The following C8orf34 variants were observed in gnomAD, a reference collection of about 807,000 sequenced individuals.
C8orf34 encodes the protein chromosome 8 open reading frame 34, also known as uncharacterized protein C8orf34.
Under a neutral mutation model 68.3 loss-of-function variants are expected in C8orf34, and 65 were observed. The ratio of observed to expected loss-of-function variants is 0.95; its 90% CI spans 0.78 to 1.17. C8orf34 has a LOEUF of 1.17. C8orf34 is among the 50% of genes most tolerant of loss of function. C8orf34 has a pLI of 0.00. For synonymous variants in C8orf34, 244 were observed against 241.2 expected, an observed-to-expected ratio of 1.01 and a Z score of -0.11; for missense variants, 664 against 655.4, an observed-to-expected ratio of 1.01 and a Z score of -0.14.
intron 7 of C8orf34, among the ~76,000 whole-genome samples, chr8:68,575,969 T>G (rs1401866491): frequency 6.6e-6 from 1 of 150,810 alleles, no homozygotes; most frequent in East Asian, 2.0e-4. Context: ...TTTTTTTTTT[T>G]TTTTTTTTGC....
chr8:68,504,254 G>A (rs963412114), intron 5 of C8orf34, among the ~76,000 whole-genome samples: 3 of 152,088 alleles, frequency 2.0e-5, no homozygotes, highest in African/African-American at 7.2e-5. Context: ...ATGTTGTTGT[G>A]TCTCAGTACT....
chr8:68,614,628 G>C (rs1381548017), intron 7 of C8orf34, among the ~76,000 whole-genome samples: 3 of 152,232 alleles, frequency 2.0e-5, no homozygotes, highest in African/African-American at 7.2e-5. Flanking sequence ...TGAGGGCTCT[G>C]TTGTGTTCCA....
In C8orf34 at chr8:68,533,415, T is replaced by G. The variant is rs1379818007; in HGVS notation, c.1105+266T>G. The G allele has an allele frequency of 4.4e-6, 5 of 1,138,976 alleles. No homozygotes were observed. The African/African-American group carries it at 8.1e-5, about 18-fold the overall frequency. 70.6% of individuals were successfully genotyped at this position (1,138,976 alleles called of 1,614,324 possible). A position where few individuals can be genotyped will look rare whatever the true frequency, so the allele number is the denominator to read the frequency against. On this transcript the variant is annotated intron_variant, in intron 7 of 13. Coordinates refer to ENST00000518698, the MANE Select transcript of C8orf34 (RefSeq NM_052958.4). Reference sequence around the variant, plus strand: ...TTCTGACTACGTAATGAAGCGTTATTCTGTGTGCAACTGTGATCAAAATTC... The same window carrying G: ...TTCTGACTACGTAATGAAGCGTTATGCTGTGTGCAACTGTGATCAAAATTC...
In C8orf34 at chr8:68,600,155, TG is replaced by T. The variant is rs1199362495; in HGVS notation, c.1106-40220del. ...CTGTTTTTGTGGACTTCTCAGCGGTTGCTCTAGGTATTACAATATACATATG... is the reference window on the plus strand; with the variant it reads ...CTGTTTTTGTGGACTTCTCAGCGGTTCTCTAGGTATTACAATATACATATG... On this transcript the variant is annotated intron_variant, in intron 7 of 13. Coordinates refer to ENST00000518698, the MANE Select transcript of C8orf34 (RefSeq NM_052958.4). Among the ~76,000 whole-genome samples the T allele has an allele frequency of 2.6e-5, 4 of 152,126 alleles. No individual in the cohort carries two copies. The East Asian group carries it at 5.8e-4, about 22-fold the overall frequency.
At chr8:68,340,669 C>T (rs1014245860) in intron 1 of C8orf34, among the ~76,000 whole-genome samples, 1 of 152,090 alleles carries the variant, frequency 6.6e-6, no homozygotes, top group Non-Finnish European at 1.5e-5. Context: ...TTTGAAAACT[C>T]CCCAAGAAAA....
At chr8:68,594,432 AAAATATGTAT>A (rs1218290733) in intron 7 of C8orf34, among the ~76,000 whole-genome samples, 10 of 152,026 alleles carry the variant, frequency 6.6e-5, no homozygotes, top group Non-Finnish European at 2.9e-5. Flanking sequence ...TTTTATCTAA[AAAATATGTAT>A]TTTTACTCCA....
chr8:68,799,680 A>T (rs1824274180), intron 12 of C8orf34, among the ~76,000 whole-genome samples: 1 of 152,192 alleles, frequency 6.6e-6, no homozygotes, highest in Non-Finnish European at 1.5e-5. Context: ...AGAAGCTACC[A>T]TATGTTGGGC....
At position 68,534,031 on chromosome 8, in the gene C8orf34, A is replaced by T. The variant is rs140506642; in HGVS notation, c.1105+882A>T. ...CATATAGAATATGGAATCTCAGAAAAATATAGGCCATTTTCTGAAGTTTTT... is the reference window on the plus strand; with the variant it reads ...CATATAGAATATGGAATCTCAGAAATATATAGGCCATTTTCTGAAGTTTTT... On this transcript the variant is annotated intron_variant, in intron 7 of 13. Transcript: ENST00000518698. The T allele has an allele frequency of 1.5e-3, 1,484 of 980,698 alleles. 23 individuals are homozygous for T. The African/African-American group carries it at 0.024, about 16-fold the overall frequency. 60.7% of individuals were successfully genotyped at this position (980,698 alleles called of 1,614,324 possible).
At chr8:68,456,003 T>C (rs1044873157) in intron 3 of C8orf34, among the ~76,000 whole-genome samples, 5 of 150,794 alleles carry the variant, frequency 3.3e-5, no homozygotes, top group Non-Finnish European at 7.4e-5. Context: ...TCCAGCACTT[T>C]GGGAGGTGGA....
At chr8:68,768,585 C>G (rs772487704) in intron 10 of C8orf34, among the ~76,000 whole-genome samples, 1 of 152,146 alleles carries the variant, frequency 6.6e-6, no homozygotes, top group Non-Finnish European at 1.5e-5. Flanking sequence ...ATTAGAATAT[C>G]TCATAATAAC....
chr8:68,515,634 A>G (rs1814478906), intron 5 of C8orf34, among the ~76,000 whole-genome samples: 1 of 152,228 alleles, frequency 6.6e-6, no homozygotes, highest in Non-Finnish European at 1.5e-5. Context: ...TGAGTAAAAT[A>G]AAAGCAATTT....
intron 7 of C8orf34, among the ~76,000 whole-genome samples, chr8:68,553,405 A>AAAAAAAAAAAAAAAC (rs1554577324): frequency 7.1e-6 from 1 of 141,096 alleles, no homozygotes; most frequent in African/African-American, 2.8e-5. Flanking sequence ...AAAAAAAAAA[A>AAAAAAAAAAAAAAAC]AAAAACATAT....
intron 4 of C8orf34, 26 bp downstream of exon 4, chr8:68,468,846 T>C: frequency 1.2e-6 from 2 of 1,601,174 alleles, no homozygotes; most frequent in South Asian, 1.1e-5. Context: ...TGATTATAAT[T>C]GAAACTCCTA....
chr8:68,795,468 T>C (rs1234072431), intron 12 of C8orf34, among the ~76,000 whole-genome samples: 1 of 152,028 alleles, frequency 6.6e-6, no homozygotes, highest in Non-Finnish European at 1.5e-5. Flanking sequence ...TCTCCTAGGG[T>C]TTGTTATTGC....
intron 10 of C8orf34, among the ~76,000 whole-genome samples, chr8:68,774,748 T>TA (rs200038765): frequency 6.7e-6 from 1 of 149,708 alleles, no homozygotes; most frequent in Admixed American, 6.6e-5. Flanking sequence ...CAATTTTTTT[T>TA]AAAAAAAACT....
intron 8 of C8orf34, among the ~76,000 whole-genome samples, chr8:68,678,605 A>G (rs2130867800): frequency 6.6e-6 from 1 of 152,260 alleles, no homozygotes; most frequent in Middle Eastern, 3.4e-3. Flanking sequence ...ACTAAACAAA[A>G]GCCATATTTG....
chr8:68,768,787 C>T (rs1047865326), intron 10 of C8orf34, among the ~76,000 whole-genome samples: 9 of 152,070 alleles, frequency 5.9e-5, no homozygotes, highest in African/African-American at 1.4e-4. Flanking sequence ...TCAGCTGCCA[C>T]GTGGTCTTTG....
At chr8:68,779,970 A>G (rs1823628750) in intron 11 of C8orf34, among the ~76,000 whole-genome samples, 1 of 152,194 alleles carries the variant, frequency 6.6e-6, no homozygotes, top group South Asian at 2.1e-4. Context: ...ACACATGTGA[A>G]AGATTTATTT....
intron 7 of C8orf34, among the ~76,000 whole-genome samples, chr8:68,621,940 A>G (rs1818400879): frequency 1.3e-5 from 2 of 152,246 alleles, no homozygotes; most frequent in Admixed American, 1.3e-4. Context: ...CTCTAGGCAC[A>G]GCTTAACTGG....
Sources: gnomAD v4.1 joint callset for allele counts (sites outside exome capture counted in the v4.1 genomes callset) on GRCh38, gnomAD v4.1.1 for gene constraint, MANE v1.5 for transcripts, NCBI Gene and HGNC (gene_info 2026-07-23, HGNC 2026-07-21) for gene names.